The following DOCK2 variants were observed in gnomAD, a reference collection of about 807,000 sequenced individuals.
The protein encoded by DOCK2 is dedicator of cytokinesis 2.
DOCK2 carries 87 observed loss-of-function variants against 248.9 expected under a neutral mutation model. That is an observed-to-expected ratio of 0.35 (90% CI 0.29 to 0.42). DOCK2 has a LOEUF of 0.42. Among genes scored for constraint, DOCK2 ranks in the 10% least tolerant of loss-of-function variants. The pLI, the probability that DOCK2 is intolerant of heterozygous loss-of-function variation, is 1.00. For synonymous variants in DOCK2, 805 were observed against 821.6 expected (o/e 0.98, Z 0.35); for missense variants, 1,747 against 2,300.2 (o/e 0.76, Z 4.92).
intron 43 of DOCK2, 117 bp from the exon 44 acceptor site, chr5:170,057,463 C>T (rs1051879715): frequency 2.1e-5 from 17 of 797,128 alleles, no homozygotes; most frequent in Middle Eastern, 2.2e-4. Flanking sequence ...ATTCTGCTTT[C>T]GGGTAGATGG....
intron 1 of DOCK2, among the ~76,000 whole-genome samples, chr5:169,647,937 C>G (rs1427771379): frequency 6.6e-6 from 1 of 152,184 alleles, no homozygotes; most frequent in East Asian, 1.9e-4. Context: ...CCTTTCACCC[C>G]ACTTTTCTAG....
intron 2 of DOCK2, among the ~76,000 whole-genome samples, chr5:169,661,783 G>A (rs1024526785): frequency 2.0e-5 from 3 of 152,056 alleles, no homozygotes; most frequent in African/African-American, 7.2e-5. Flanking sequence ...GTGACAAATG[G>A]CAAGATCTCC....
chr5:170,014,131 C>G (rs369643476), intron 32 of DOCK2, among the ~76,000 whole-genome samples: 4 of 152,240 alleles, frequency 2.6e-5, no homozygotes, highest in African/African-American at 9.6e-5. Flanking sequence ...GAGCAACCAG[C>G]CCAAGCAAGC....
Position 169,711,720 on chromosome 5 carries a change from A to G in DOCK2, c.1483-215A>G, listed in dbSNP as rs369579464. ...CCTCTTTTCATTGGCTGGGAATGCA[A>G]TTTGCCAAATGGATTACATTTGGTA... On this transcript the variant is annotated intron_variant, in intron 15 of 51. Coordinates refer to ENST00000520908, the MANE Select transcript of DOCK2 (RefSeq NM_004946.3). Among the ~76,000 whole-genome samples the G allele has an allele frequency of 3.6e-4, 55 of 152,278 alleles. 3 individuals are homozygous for G. The South Asian group carries it at 0.011, about 30-fold the overall frequency.
intron 27 of DOCK2, among the ~76,000 whole-genome samples, chr5:169,868,545 G>A (rs1047744805): frequency 6.6e-6 from 1 of 152,172 alleles, no homozygotes; most frequent in Non-Finnish European, 1.5e-5. Context: ...GATTCCTTGA[G>A]GTCAGGAGTT....
intron 27 of DOCK2, among the ~76,000 whole-genome samples, chr5:169,953,119 C>T (rs1324667974): frequency 6.6e-6 from 1 of 152,032 alleles, no homozygotes; most frequent in African/African-American, 2.4e-5. Context: ...GTCAGGAGTT[C>T]AAGACCAGCC....
intron 26 of DOCK2, among the ~76,000 whole-genome samples, chr5:169,830,718 A>C (rs140263673): frequency 2.6e-4 from 39 of 152,340 alleles, no homozygotes; most frequent in Non-Finnish European, 5.1e-4. Context: ...AAATAAAAAC[A>C]ATGTTTTGCT....
At chr5:169,672,792 C>T (rs1324267034) in intron 5 of DOCK2, among the ~76,000 whole-genome samples, 1 of 152,180 alleles carries the variant, frequency 6.6e-6, no homozygotes, top group Non-Finnish European at 1.5e-5. Flanking sequence ...TGGGCACCCC[C>T]TTTTTTCACT....
intron 43 of DOCK2, chr5:170,057,111 A>G (rs1356125902): frequency 2.8e-6 from 1 of 360,812 alleles, no homozygotes; most frequent in Non-Finnish European, 5.2e-6. Flanking sequence ...AGCCACAGCA[A>G]TGTAGTCATC....
At chr5:169,866,222 T>A (rs1214717062) in intron 27 of DOCK2, among the ~76,000 whole-genome samples, 2 of 152,218 alleles carry the variant, frequency 1.3e-5, no homozygotes, top group Non-Finnish European at 2.9e-5. Flanking sequence ...TTACATGCCT[T>A]CTCTTTCTGT....
At chr5:170,018,434 C>G (rs1013778418) in intron 32 of DOCK2, among the ~76,000 whole-genome samples, 1 of 152,136 alleles carries the variant, frequency 6.6e-6, no homozygotes, top group African/African-American at 2.4e-5. Flanking sequence ...GCAGAAGAGA[C>G]GAGAAGTTGT....
chr5:170,026,584 C>T (rs6876690), intron 33 of DOCK2, among the ~76,000 whole-genome samples: 39,458 of 152,008 alleles, frequency 0.26, 5,660 homozygotes, highest in East Asian at 0.48. Flanking sequence ...GAAGGGTGGA[C>T]TGCATGATTT....
At chr5:169,791,926 T>A (rs1281082630) in intron 25 of DOCK2, among the ~76,000 whole-genome samples, 1 of 152,160 alleles carries the variant, frequency 6.6e-6, no homozygotes, top group African/African-American at 2.4e-5. Context: ...TAAAAAAATA[T>A]GTTATAGTGA....
At chr5:169,812,174 A>G (rs985511560) in intron 26 of DOCK2, among the ~76,000 whole-genome samples, 11 of 152,048 alleles carry the variant, frequency 7.2e-5, no homozygotes, top group Admixed American at 7.2e-4. Context: ...ATTTACAGTC[A>G]CTCCGCATGG....
In DOCK2 at chr5:169,840,639, TG is replaced by T. The variant is rs1769901033; in HGVS notation, c.2704-116del. 1.2e-5 allele frequency: 9 copies of T among 736,164 alleles called. 1 individual carries two copies. In the South Asian group the frequency reaches 1.4e-4, roughly 12 times the overall value. The allele number at this position is 736,164 out of a possible 1,614,324, so 45.6% of individuals were successfully genotyped here. A position where few individuals can be genotyped will look rare whatever the true frequency, so the allele number is the denominator to read the frequency against. On this transcript the variant is annotated intron_variant, in intron 26 of 51. Coordinates refer to ENST00000520908, the MANE Select transcript of DOCK2 (RefSeq NM_004946.3). ...ATGATGATGATGGCAGTAGTGGTGG[TG>T]GTGTTGGTGATGGTGTTGAAGATCA...
At chr5:169,944,336 C>T (rs1156543457) in intron 27 of DOCK2, among the ~76,000 whole-genome samples, 8 of 152,186 alleles carry the variant, frequency 5.3e-5, no homozygotes, top group East Asian at 1.9e-4. Flanking sequence ...GCTGGCAGGT[C>T]CTTCAAGGCA....
intron 27 of DOCK2, among the ~76,000 whole-genome samples, chr5:169,880,036 C>A (rs1236300889): frequency 6.6e-6 from 1 of 152,158 alleles, no homozygotes; most frequent in Non-Finnish European, 1.5e-5. Context: ...TTTGTCCCTT[C>A]TAATGATTAG....
At chr5:169,747,299 T>G in intron 22 of DOCK2, 97 bp from the exon 23 acceptor site, 4 of 1,123,288 alleles carry the variant, frequency 3.6e-6, no homozygotes, top group Non-Finnish European at 5.1e-6. Context: ...TCCCACTCCT[T>G]TTTGTTTTAA....
intron 27 of DOCK2, among the ~76,000 whole-genome samples, chr5:169,877,338 A>G (rs1772390543): frequency 6.6e-6 from 1 of 152,212 alleles, no homozygotes; most frequent in Non-Finnish European, 1.5e-5. Flanking sequence ...GATAAGGGAA[A>G]AGAGACCTGT....
Sources: gnomAD v4.1 joint callset for allele counts (sites outside exome capture counted in the v4.1 genomes callset) on GRCh38, gnomAD v4.1.1 for gene constraint, MANE v1.5 for transcripts, NCBI Gene and HGNC (gene_info 2026-07-23, HGNC 2026-07-21) for gene names.